TMEM135: variants seen among roughly 807,000 people sequenced by gnomAD.
TMEM135 encodes peroxisomal membrane protein 52.
Under a neutral mutation model 60.3 loss-of-function variants are expected in TMEM135, and 30 were observed. The observed-to-expected ratio is 0.50, with a 90% CI of 0.37 to 0.68. The LOEUF is 0.68. Among genes scored for constraint, TMEM135 ranks in the 30% least tolerant of loss-of-function variants. TMEM135 has a pLI of 0.00. For synonymous variants in TMEM135, 190 were observed against 186.7 expected (o/e 1.02, Z -0.14); for missense variants, 468 against 548.8 (o/e 0.85, Z 1.47).
At chr11:87,279,500 C>G (rs1002837218) in intron 6 of TMEM135, among the ~76,000 whole-genome samples, 1 of 152,160 alleles carries the variant, frequency 6.6e-6, no homozygotes, top group Non-Finnish European at 1.5e-5. Context: ...GTACAATAAT[C>G]ACATGATGTA....
At chr11:87,123,720 T>G (rs1364456279) in intron 4 of TMEM135, among the ~76,000 whole-genome samples, 1 of 152,192 alleles carries the variant, frequency 6.6e-6, no homozygotes, top group East Asian at 1.9e-4. Context: ...CAGAGTTGCC[T>G]TTTTATTTAT....
At chr11:87,120,119 T>C (rs947567072) in intron 4 of TMEM135, among the ~76,000 whole-genome samples, 7 of 146,834 alleles carry the variant, frequency 4.8e-5, no homozygotes, top group South Asian at 2.1e-4. Context: ...TCTTCTTCTT[T>C]TTTTTTTTTT....
intron 1 of TMEM135, among the ~76,000 whole-genome samples, chr11:87,051,053 A>G (rs923080214): frequency 1.0e-5 from 1 of 95,488 alleles, no homozygotes; most frequent in Non-Finnish European, 1.9e-5. Context: ...AAACAGAGCC[A>G]AAGACAAAAA....
At chr11:87,178,318 A>G (rs1297872665) in intron 5 of TMEM135, 1 of 434,760 alleles carries the variant, frequency 2.3e-6, no homozygotes, top group African/African-American at 2.0e-5. Context: ...GGAACTAGGA[A>G]CAAAGTCCAG....
At position 87,324,457 on chromosome 11, in the gene TMEM135, T is replaced by G; in HGVS notation, c.*3124T>G. The G allele has an allele frequency of 4.4e-6, 2 of 454,062 alleles. No homozygotes were observed. The highest frequency in any genetic ancestry group is 8.8e-6 in the Non-Finnish European group (2 of 226,780). 28.1% of individuals were successfully genotyped at this position (454,062 alleles called of 1,614,324 possible). ...TATTTTTTGAGTTGAGGTCTAGCTC[T>G]GTTGCCCGGGTTGGAGTACAGTGGT... is the stretch of plus-strand genomic sequence containing the variant. On this transcript the variant is annotated 3_prime_UTR_variant, in exon 15 of 15. Coordinates refer to ENST00000305494, the MANE Select transcript of TMEM135 (RefSeq NM_022918.4).
intron 4 of TMEM135, among the ~76,000 whole-genome samples, chr11:87,105,061 T>C (rs560136536): frequency 1.4e-4 from 21 of 152,338 alleles, no homozygotes; most frequent in African/African-American, 3.8e-4. Context: ...GCTTGTCATA[T>C]ATGGCCTTTA....
chr11:87,075,168 A>T (rs968616429), intron 3 of TMEM135, among the ~76,000 whole-genome samples: 2 of 151,296 alleles, frequency 1.3e-5, no homozygotes, highest in African/African-American at 4.9e-5. Context: ...TAATTAGTTT[A>T]TTTTTTTTGA....
chr11:87,087,357 C>CAGG (rs1427842586), intron 3 of TMEM135, among the ~76,000 whole-genome samples: 1 of 151,316 alleles, frequency 6.6e-6, no homozygotes, highest in African/African-American at 2.4e-5. Context: ...GCAGGAGTTG[C>CAGG]AGGATAATTG....
intron 3 of TMEM135, among the ~76,000 whole-genome samples, chr11:87,073,690 C>A (rs1337945420): frequency 6.6e-6 from 1 of 150,596 alleles, no homozygotes. Flanking sequence ...TTTTTTGAGA[C>A]GGAGTCTCGC....
chr11:87,285,699 G>A (rs938886897), intron 6 of TMEM135, among the ~76,000 whole-genome samples: 6 of 152,232 alleles, frequency 3.9e-5, no homozygotes, highest in Non-Finnish European at 7.3e-5. Flanking sequence ...TGCAAAGAGC[G>A]AAAGAACAAA....
chr11:87,191,118 A>T (rs928119011), intron 5 of TMEM135, among the ~76,000 whole-genome samples: 1 of 151,732 alleles, frequency 6.6e-6, no homozygotes, highest in African/African-American at 2.4e-5. Flanking sequence ...CACCAGCTTG[A>T]CCTCTCCATA....
chr11:87,067,881 G>C (rs1050564414), intron 2 of TMEM135, 60 bp downstream of exon 2: 13 of 1,587,060 alleles, frequency 8.2e-6, no homozygotes, highest in Non-Finnish European at 1.1e-5. Flanking sequence ...ATGGAAACAA[G>C]TATGTGTTTA....
At chr11:87,305,838 TG>T in intron 8 of TMEM135, 97 bp from the exon 9 acceptor site, 3 of 578,504 alleles carry the variant, frequency 5.2e-6, no homozygotes, top group South Asian at 3.4e-5. Flanking sequence ...TTTTTTTTTT[TG>T]GTTAGAAAGC....
At chr11:87,043,483 T>C (rs1416044221) in intron 1 of TMEM135, among the ~76,000 whole-genome samples, 2 of 151,766 alleles carry the variant, frequency 1.3e-5, no homozygotes, top group Non-Finnish European at 2.9e-5. Context: ...CCCAGCACTT[T>C]GGGAGGCTGA....
intron 5 of TMEM135, among the ~76,000 whole-genome samples, chr11:87,229,842 A>G (rs1469495722): frequency 6.6e-6 from 1 of 152,126 alleles, no homozygotes; most frequent in Non-Finnish European, 1.5e-5. Flanking sequence ...AAAGTCTTAG[A>G]AGGGAACTTT....
chr11:87,171,522 A>G (rs1286875794), intron 5 of TMEM135, among the ~76,000 whole-genome samples: 1 of 152,130 alleles, frequency 6.6e-6, no homozygotes, highest in Non-Finnish European at 1.5e-5. Context: ...CCTCATGACA[A>G]AATTATCAGC....
At chr11:87,197,161 T>A (rs1036261537) in intron 5 of TMEM135, among the ~76,000 whole-genome samples, 1 of 152,118 alleles carries the variant, frequency 6.6e-6, no homozygotes, top group Non-Finnish European at 1.5e-5. Flanking sequence ...ATTCAGAGTA[T>A]AACAAATATT....
chr11:87,159,097 A>C (rs754124157), intron 5 of TMEM135, among the ~76,000 whole-genome samples: 1 of 152,200 alleles, frequency 6.6e-6, no homozygotes, highest in African/African-American at 2.4e-5. Flanking sequence ...ATAGGCAGGA[A>C]ATAGTTAAAA....
At chr11:87,063,582 T>C (rs1949969192) in intron 1 of TMEM135, among the ~76,000 whole-genome samples, 2 of 152,202 alleles carry the variant, frequency 1.3e-5, no homozygotes, top group Admixed American at 6.5e-5. Flanking sequence ...GTGGTTTACA[T>C]AGAAAATGAT....
Sources: gnomAD v4.1 joint callset for allele counts (sites outside exome capture counted in the v4.1 genomes callset) on GRCh38, gnomAD v4.1.1 for gene constraint, MANE v1.5 for transcripts, NCBI Gene and HGNC (gene_info 2026-07-23, HGNC 2026-07-21) for gene names.